Variants in JMY observed in about 807,000 individuals in gnomAD.
The protein encoded by JMY is junction mediating and regulatory protein, p53 cofactor.
A neutral mutation model predicts 103.3 loss-of-function variants in JMY; 46 were observed. The observed-to-expected ratio is 0.45, with a 90% confidence interval of 0.35 to 0.57. The LOEUF (loss-of-function observed/expected upper bound fraction) is 0.57, where lower values mean the gene tolerates loss of function less well. JMY is among the 20% of genes least tolerant of loss of function. The pLI is 0.00. For synonymous variants in JMY, 526 were observed against 489.3 expected (o/e 1.07, Z -0.99); for missense variants, 1,238 against 1,255.2 (o/e 0.99, Z 0.21).
chr5:79,278,187 AG>A, intron 2 of JMY, 104 bp downstream of exon 2: 3 of 911,234 alleles, frequency 3.3e-6, no homozygotes, highest in South Asian at 2.0e-5. Flanking sequence ...AAAAAAAAAA[AG>A]AAGGTACCTG....
intron 6 of JMY, among the ~76,000 whole-genome samples, chr5:79,301,939 C>T (rs533724152): frequency 6.6e-5 from 10 of 151,846 alleles, no homozygotes; most frequent in Non-Finnish European, 1.3e-4. Context: ...AAAAATTAGC[C>T]AGGCATGGTG....
At chr5:79,314,048 G>A (rs1228613408) in intron 8 of JMY, among the ~76,000 whole-genome samples, 3 of 152,128 alleles carry the variant, frequency 2.0e-5, no homozygotes, top group East Asian at 1.9e-4. Context: ...TAGTAGTGAC[G>A]GGGTTTCACC....
In JMY at chr5:79,323,355, T is replaced by C. The variant is rs1747524632; in HGVS notation, c.*1753T>C. 1 of 152,242 alleles carries C rather than the reference T, an allele frequency of 6.6e-6. No homozygotes were observed. Among genetic ancestry groups the C allele is most frequent in the Non-Finnish European group, 1.5e-5 (1 of 68,044 alleles). 9.4% of individuals were successfully genotyped at this position (152,242 alleles called of 1,614,324 possible). On this transcript the variant is annotated 3_prime_UTR_variant, in exon 11 of 11. Transcript: ENST00000396137. ...AATACATTGGTTTTAGTTCCCACAC[T>C]ATTCCCACATCTTATCTGGGAAGAT...
chr5:79,273,634 T>C (rs1463558595), intron 1 of JMY, among the ~76,000 whole-genome samples: 1 of 152,226 alleles, frequency 6.6e-6, no homozygotes, highest in East Asian at 1.9e-4. Context: ...TTCAGTTCAA[T>C]ATATGTTAAG....
intron 1 of JMY, among the ~76,000 whole-genome samples, chr5:79,263,775 A>G (rs1478222756): frequency 2.0e-5 from 3 of 150,462 alleles, no homozygotes; most frequent in Non-Finnish European, 4.4e-5. Context: ...CTGCTTTGGC[A>G]TCCTGATGTG....
intron 1 of JMY, among the ~76,000 whole-genome samples, chr5:79,258,324 T>TG (rs1352271690): frequency 6.7e-6 from 1 of 149,824 alleles, no homozygotes. Flanking sequence ...GTTTTTTTTT[T>TG]TTTTTTGACA....
At chr5:79,271,545 C>A (rs954228413) in intron 1 of JMY, among the ~76,000 whole-genome samples, 5 of 152,122 alleles carry the variant, frequency 3.3e-5, no homozygotes, top group Non-Finnish European at 5.9e-5. Flanking sequence ...GTTATTGATT[C>A]AATCACTTGC....
intron 2 of JMY, among the ~76,000 whole-genome samples, chr5:79,278,701 G>A (rs1400475473): frequency 6.6e-6 from 1 of 151,560 alleles, no homozygotes; most frequent in Admixed American, 6.6e-5. Context: ...AACCCAGGAG[G>A]TCATGGCTGC....
At chr5:79,279,864 T>C (rs1423347441) in intron 2 of JMY, among the ~76,000 whole-genome samples, 1 of 152,186 alleles carries the variant, frequency 6.6e-6, no homozygotes, top group African/African-American at 2.4e-5. Context: ...TTTTGTTTTT[T>C]TGAGACAGCG....
intron 1 of JMY, among the ~76,000 whole-genome samples, chr5:79,248,180 C>T (rs947969394): frequency 2.0e-5 from 3 of 151,976 alleles, no homozygotes; most frequent in East Asian, 3.9e-4. Flanking sequence ...CGTGAGCCAC[C>T]GCATCTGGCC....
At position 79,319,975 on chromosome 5, in the gene JMY, G is replaced by A. The variant is rs1747395549; in HGVS notation, c.*4-1631G>A. On this transcript the variant is annotated intron_variant, in intron 10 of 10. Transcript: ENST00000396137. ...ATAAAGTAGGTAATGAAGGTCCCTT[G>A]TTCTGCCTTGTTCGTTCCCCTCTGA... Among the ~76,000 whole-genome samples the A allele has an allele frequency of 2.0e-5, 3 of 152,188 alleles. No individual in the cohort carries two copies. In the South Asian group the frequency reaches 6.2e-4, roughly 31 times the overall value.
intron 1 of JMY, among the ~76,000 whole-genome samples, chr5:79,277,699 G>C (rs1745981108): frequency 1.3e-5 from 2 of 151,940 alleles, no homozygotes; most frequent in African/African-American, 4.8e-5. Context: ...TCAATACTTT[G>C]AGCCTCAAAA....
At chr5:79,272,689 A>AGT (rs1328301413) in intron 1 of JMY, among the ~76,000 whole-genome samples, 143 of 152,294 alleles carry the variant, frequency 9.4e-4, no homozygotes, top group Non-Finnish European at 2.1e-4. Flanking sequence ...GTTAGAGTGC[A>AGT]GTGGCTCAGT....
At chr5:79,260,079 G>T (rs550193440) in intron 1 of JMY, among the ~76,000 whole-genome samples, 1 of 152,346 alleles carries the variant, frequency 6.6e-6, no homozygotes, top group East Asian at 1.9e-4. Context: ...TCCCAGGACA[G>T]TGGTCGAGGT....
chr5:79,289,633 C>T (rs982923696), intron 2 of JMY, among the ~76,000 whole-genome samples: 3 of 152,064 alleles, frequency 2.0e-5, no homozygotes, highest in South Asian at 2.1e-4. Flanking sequence ...TCTGAGCCAC[C>T]GTGCCTGGCC....
At chr5:79,239,731 A>G (rs1744674079) in intron 1 of JMY, among the ~76,000 whole-genome samples, 1 of 151,442 alleles carries the variant, frequency 6.6e-6, no homozygotes, top group African/African-American at 2.4e-5. Context: ...AATGGCGTGA[A>G]CCCAGGAGGC....
In JMY at chr5:79,322,600, A is replaced by G. The variant is rs1451231851; in HGVS notation, c.*998A>G. ...GTAGAGACAAGTCTCCGTGGCTGGC[A>G]TTTCACCATCTTCACATGCACTGAA... On this transcript the variant is annotated 3_prime_UTR_variant, in exon 11 of 11. Transcript: ENST00000396137. 1 of 152,188 alleles carries G rather than the reference A, an allele frequency of 6.6e-6. No individual in the cohort carries two copies. Among genetic ancestry groups the G allele is most frequent in the African/African-American group, 2.4e-5 (1 of 41,458 alleles). The allele number at this position is 152,188 out of a possible 1,614,324, so 9.4% of individuals were successfully genotyped here.
At chr5:79,256,356 G>GT (rs1745242587) in intron 1 of JMY, among the ~76,000 whole-genome samples, 1 of 152,098 alleles carries the variant, frequency 6.6e-6, no homozygotes, top group Non-Finnish European at 1.5e-5. Flanking sequence ...TCCAGGGCAG[G>GT]TTCAGAAATG....
chr5:79,244,827 CTA>C (rs986464134), intron 1 of JMY, among the ~76,000 whole-genome samples: 2 of 142,846 alleles, frequency 1.4e-5, no homozygotes, highest in Admixed American at 1.4e-4. Flanking sequence ...GTTCTTGTAA[CTA>C]TTTGTTTTTT....
Sources: allele counts gnomAD v4.1 joint callset (sites outside exome capture counted in the v4.1 genomes callset), GRCh38; gene constraint gnomAD v4.1.1; transcripts MANE v1.5; gene names NCBI Gene and HGNC (gene_info 2026-07-23, HGNC 2026-07-21).